HERC3: variants seen among roughly 807,000 people sequenced by gnomAD.
The protein encoded by HERC3 is HECT and RLD domain containing E3 ubiquitin protein ligase 3, also known as probable E3 ubiquitin-protein ligase HERC3.
A neutral mutation model predicts 129.9 loss-of-function variants in HERC3; 58 were observed. That is an observed-to-expected ratio of 0.45 (90% CI 0.36 to 0.56). The LOEUF (loss-of-function observed/expected upper bound fraction) is 0.56, where lower values mean the gene tolerates loss of function less well. HERC3 is among the 20% of genes least tolerant of loss of function. HERC3 has a pLI of 0.00. For synonymous variants in HERC3, 430 were observed against 451.0 expected (o/e 0.95, Z 0.59); for missense variants, 835 against 1,244.2 (o/e 0.67, Z 4.95).
intron 16 of HERC3, 103 bp downstream of exon 16, chr4:88,670,355 A>G (rs1731484950): frequency 2.7e-6 from 2 of 747,516 alleles, no homozygotes; most frequent in South Asian, 1.8e-5. Flanking sequence ...TGTGTCACCT[A>G]TTCTTCATCC....
chr4:88,655,035 C>A, intron 7 of HERC3, 139 bp from the exon 8 acceptor site: 1 of 677,338 alleles, frequency 1.5e-6, no homozygotes, highest in Non-Finnish European at 2.4e-6. Flanking sequence ...AATGAACATC[C>A]TTACAAAGTG....
intron 3 of HERC3, among the ~76,000 whole-genome samples, chr4:88,617,729 G>C (rs1725068310): frequency 6.6e-6 from 1 of 152,130 alleles, no homozygotes; most frequent in Non-Finnish European, 1.5e-5. Flanking sequence ...AAATTAGCAG[G>C]GCGTGGTGGT....
chr4:88,543,654 T>G, the HERC3 span, among the ~76,000 whole-genome samples: 6 of 152,194 alleles, frequency 3.9e-5, no homozygotes, highest in African/African-American at 1.4e-4. Context: ...AGAACAAAGC[T>G]GGAGGCATCA....
intron 2 of HERC3, among the ~76,000 whole-genome samples, chr4:88,597,244 C>A (rs1251994090): frequency 1.3e-5 from 2 of 152,210 alleles, no homozygotes; most frequent in Non-Finnish European, 2.9e-5. Flanking sequence ...TTAACTATTT[C>A]AGTTCTTCAC....
chr4:88,551,216 T>C, the HERC3 span, among the ~76,000 whole-genome samples: 3 of 152,226 alleles, frequency 2.0e-5, no homozygotes, highest in African/African-American at 4.8e-5. Flanking sequence ...ATTCAGGACA[T>C]AGACATGGGC....
At chr4:88,619,531 G>T (rs1396074086) in intron 3 of HERC3, among the ~76,000 whole-genome samples, 1 of 151,980 alleles carries the variant, frequency 6.6e-6, no homozygotes, top group African/African-American at 2.4e-5. Context: ...AAAAATAATA[G>T]GAAAAAAAAT....
chr4:88,629,856 G>T (rs1191226078), intron 3 of HERC3, among the ~76,000 whole-genome samples: 1 of 152,126 alleles, frequency 6.6e-6, no homozygotes, highest in Admixed American at 6.5e-5. Context: ...TTTTTGTAAA[G>T]AATTGGAGTG....
chr4:88,622,424 T>C (rs1362016485), intron 3 of HERC3, among the ~76,000 whole-genome samples: 3 of 152,276 alleles, frequency 2.0e-5, no homozygotes, highest in Non-Finnish European at 2.9e-5. Flanking sequence ...TTGGCTGTTA[T>C]GAATAATGCT....
At chr4:88,559,917 A>T in the HERC3 span, among the ~76,000 whole-genome samples, 1 of 151,662 alleles carries the variant, frequency 6.6e-6, no homozygotes, top group African/African-American at 2.4e-5. Flanking sequence ...AGCACACAAG[A>T]GTTCTCTTTT....
chr4:88,530,249 C>CTAG, the HERC3 span, among the ~76,000 whole-genome samples: 1 of 151,790 alleles, frequency 6.6e-6, no homozygotes, highest in African/African-American at 2.4e-5. Flanking sequence ...AAGATCGTGC[C>CTAG]ACTGCACTCC....
chr4:88,653,500 C>T (rs1729517123), intron 6 of HERC3, among the ~76,000 whole-genome samples: 1 of 152,142 alleles, frequency 6.6e-6, no homozygotes, highest in Admixed American at 6.5e-5. Flanking sequence ...AGCACAGCTG[C>T]AGGTCAGAGA....
chr4:88,669,956 T>A lies in HERC3; in HGVS notation c.1730T>A (p.Phe577Tyr). ...VLYLLRGRKT[F>Y]LIPVLFNNYI... ...TATCTACTGAGGGGAAGAAAGACAT[T>A]CTTAATTCCCGTACTGTTTAACAAT... is the stretch of plus-strand genomic sequence containing the variant. The change falls in exon 15 of 26, where the codon TTC becomes TAC. Residue 577 changes from phenylalanine (F) to tyrosine (Y), a missense_variant. Transcript: ENST00000402738. 1 of 1,613,876 alleles carries A rather than the reference T, an allele frequency of 6.2e-7. No homozygotes were observed. Among genetic ancestry groups the A allele is most frequent in the South Asian group, 1.1e-5 (1 of 91,080 alleles).
At chr4:88,693,803 T>C (rs1017556895) in intron 23 of HERC3, 1 of 454,438 alleles carries the variant, frequency 2.2e-6, no homozygotes, top group African/African-American at 2.1e-5. Context: ...GAGTGTGTAT[T>C]GCATGCTTCC....
At chr4:88,687,837 C>G (rs1733642819) in intron 23 of HERC3, among the ~76,000 whole-genome samples, 2 of 152,194 alleles carry the variant, frequency 1.3e-5, no homozygotes, top group Admixed American at 1.3e-4. Context: ...ACAACAAATT[C>G]AAGTACATTT....
At chr4:88,593,116 G>A (rs1409147979) in intron 1 of HERC3, 1 of 152,144 alleles carries the variant, frequency 6.6e-6, no homozygotes, top group African/African-American at 2.4e-5. Flanking sequence ...CGAGGACGCG[G>A]TGCACGGCGT....
At chr4:88,576,324 C>T in the HERC3 span, among the ~76,000 whole-genome samples, 19 of 152,168 alleles carry the variant, frequency 1.2e-4, no homozygotes, top group Non-Finnish European at 1.9e-4. Flanking sequence ...AGTGGCTTCT[C>T]ATTGAATGTC....
At chr4:88,591,600 G>A (rs1461002747), upstream of HERC3, among the ~76,000 whole-genome samples, 1 of 152,096 alleles carries the variant, frequency 6.6e-6, no homozygotes, top group Non-Finnish European at 1.5e-5. Context: ...TTTAAGGGGG[G>A]CAGACACATG....
At chr4:88,610,814 A>G (rs1016967912) in intron 3 of HERC3, among the ~76,000 whole-genome samples, 1 of 152,250 alleles carries the variant, frequency 6.6e-6, no homozygotes, top group African/African-American at 2.4e-5. Context: ...ATCTGAGTGC[A>G]ACGAGACATT....
chr4:88,554,389 G>T, the HERC3 span, among the ~76,000 whole-genome samples: 4 of 149,816 alleles, frequency 2.7e-5, no homozygotes, highest in African/African-American at 9.8e-5. Context: ...ACCAATTATA[G>T]ATTAAGTGAC....
Sources: gnomAD v4.1 joint callset for allele counts (sites outside exome capture counted in the v4.1 genomes callset) on GRCh38, gnomAD v4.1.1 for gene constraint, MANE v1.5 for transcripts, NCBI Gene and HGNC (gene_info 2026-07-23, HGNC 2026-07-21) for gene names.